Variants in ANO4 observed in about 807,000 individuals in gnomAD.
ANO4 encodes anoctamin-4.
ANO4 carries 69 observed loss-of-function variants against 141.9 expected under a neutral mutation model. The ratio of observed to expected loss-of-function variants is 0.49; its 90% confidence interval spans 0.40 to 0.59. The LOEUF (loss-of-function observed/expected upper bound fraction) is 0.59, where lower values mean the gene tolerates loss of function less well. Among genes scored for constraint, ANO4 ranks in the 20% least tolerant of loss-of-function variants. The probability of loss-of-function intolerance (pLI) is 0.00; values close to 1 mark genes in which losing one functional copy is unlikely to be tolerated. For synonymous variants in ANO4, 350 were observed against 394.3 expected (o/e 0.89, Z 1.33); for missense variants, 894 against 1,162.2 (o/e 0.77, Z 3.36).
At chr12:100,781,249 G>T (rs562684503) in intron 3 of ANO4, among the ~76,000 whole-genome samples, 11 of 152,258 alleles carry the variant, frequency 7.2e-5, no homozygotes, top group East Asian at 3.9e-4. Flanking sequence ...TGATAAGAAA[G>T]ATTTTATTTA....
chr12:100,777,020 C>T lies in ANO4; in HGVS notation c.358+36915C>T, dbSNP rs557950852. Among the ~76,000 whole-genome samples the T allele has an allele frequency of 2.8e-4, 43 of 151,800 alleles. No homozygotes were observed. The South Asian group carries it at 8.8e-3, about 31-fold the overall frequency. On this transcript the variant is annotated intron_variant, in intron 3 of 29. Transcript: ENST00000644049. ...GGCACCCTGAAGACAATTTAGTCTT[C>T]ATTTTTACAGCTAAGGAAGATGAAG...
intron 1 of ANO4, among the ~76,000 whole-genome samples, chr12:100,886,309 T>C (rs2039826312): frequency 6.8e-6 from 1 of 147,294 alleles, no homozygotes; most frequent in South Asian, 2.3e-4. Flanking sequence ...CAGTGTAGCA[T>C]ATAAGTGAGT....
At chr12:100,848,765 A>C (rs1267415043) in intron 1 of ANO4, among the ~76,000 whole-genome samples, 1 of 152,126 alleles carries the variant, frequency 6.6e-6, no homozygotes, top group African/African-American at 2.4e-5. Context: ...GACATGGTGG[A>C]ACATGTTTTG....
chr12:101,096,478 G>A (rs1444020102), intron 18 of ANO4, 58 bp from the exon 19 acceptor site: 2 of 1,338,474 alleles, frequency 1.5e-6, no homozygotes, highest in South Asian at 1.2e-5. Flanking sequence ...GGGAAAGAGA[G>A]GGAGTTGAGA....
chr12:100,969,928 A>G (rs1008850170), intron 5 of ANO4, among the ~76,000 whole-genome samples: 2 of 152,228 alleles, frequency 1.3e-5, no homozygotes, highest in Admixed American at 1.3e-4. Context: ...CCTTGTGGAA[A>G]GTGACTTCCA....
chr12:100,820,823 G>A (rs2036008774), intron 1 of ANO4, among the ~76,000 whole-genome samples: 1 of 152,070 alleles, frequency 6.6e-6, no homozygotes, highest in African/African-American at 2.4e-5. Context: ...ATGATAAAGT[G>A]ATGGATGCTG....
At chr12:100,951,125 A>G (rs746334153) in intron 5 of ANO4, among the ~76,000 whole-genome samples, 1 of 152,222 alleles carries the variant, frequency 6.6e-6, no homozygotes, top group Non-Finnish European at 1.5e-5. Flanking sequence ...TTAAAACCAC[A>G]ATGAGATACC....
At chr12:100,866,753 A>G (rs1198157204) in intron 1 of ANO4, among the ~76,000 whole-genome samples, 1 of 152,194 alleles carries the variant, frequency 6.6e-6, no homozygotes, top group Non-Finnish European at 1.5e-5. Flanking sequence ...AAAATTCTGT[A>G]AGTGGATAGT....
chr12:100,804,655 G>A (rs1208644468), intron 1 of ANO4, among the ~76,000 whole-genome samples: 1 of 152,216 alleles, frequency 6.6e-6, no homozygotes, highest in Non-Finnish European at 1.5e-5. Context: ...TGACTGGCGT[G>A]AGATGGTATT....
intron 5 of ANO4, among the ~76,000 whole-genome samples, chr12:100,954,743 G>T (rs2043115013): frequency 6.6e-6 from 1 of 152,206 alleles, no homozygotes; most frequent in Non-Finnish European, 1.5e-5. Flanking sequence ...CAGAGGAGCA[G>T]CTATTTCTGT....
At chr12:101,120,263 C>A (rs990062601) in intron 25 of ANO4, among the ~76,000 whole-genome samples, 1 of 152,114 alleles carries the variant, frequency 6.6e-6, no homozygotes, top group Non-Finnish European at 1.5e-5. Context: ...TGTCACTGAT[C>A]AGGTCTGGCT....
At chr12:100,895,599 T>C (rs1297787175) in intron 1 of ANO4, among the ~76,000 whole-genome samples, 1 of 151,278 alleles carries the variant, frequency 6.6e-6, no homozygotes, top group African/African-American at 2.4e-5. Flanking sequence ...TTGCTCTTTG[T>C]TGCCCAGGCT....
intron 1 of ANO4, among the ~76,000 whole-genome samples, chr12:100,873,087 A>T (rs1272232685): frequency 6.6e-6 from 1 of 152,172 alleles, no homozygotes; most frequent in African/African-American, 2.4e-5. Flanking sequence ...AAGTTTCTTG[A>T]GGCCTCCCCA....
intron 25 of ANO4, among the ~76,000 whole-genome samples, chr12:101,118,599 G>A (rs1479223323): frequency 6.6e-6 from 1 of 152,156 alleles, no homozygotes; most frequent in Non-Finnish European, 1.5e-5. Context: ...ATACATTAAT[G>A]ACCTGGGAAG....
rs560910089 is a variant in ANO4, at chr12:101,025,344, G to C, written c.841+5204G>C. ...CAGCACCATGAAAAGTGAGAATGTA[G>C]GCAGGACCTGAAAGACTCTCTAAGT... On this transcript the variant is annotated intron_variant, in intron 9 of 27. Coordinates refer to ENST00000392977, the MANE Select transcript of ANO4 (RefSeq NM_001286615.2). Among the ~76,000 whole-genome samples, 178 of 152,332 alleles carry C rather than the reference G, an allele frequency of 1.2e-3. 3 individuals carry two copies. Among genetic ancestry groups the C allele is most frequent in the African/African-American group, 4.0e-3 (166 of 41,562 alleles).
At chr12:100,871,605 A>G (rs2039037951) in intron 1 of ANO4, among the ~76,000 whole-genome samples, 1 of 152,152 alleles carries the variant, frequency 6.6e-6, no homozygotes, top group South Asian at 2.1e-4. Context: ...ATACACTCTG[A>G]TTGGGTGGCT....
At chr12:101,046,384 G>A (rs182941391) in intron 13 of ANO4, among the ~76,000 whole-genome samples, 128 of 152,302 alleles carry the variant, frequency 8.4e-4, no homozygotes, top group African/African-American at 2.9e-3. Flanking sequence ...TGAGGGAGGG[G>A]AAACTAATTG....
At chr12:101,106,703 A>G (rs1287163172) in intron 22 of ANO4, among the ~76,000 whole-genome samples, 2 of 151,358 alleles carry the variant, frequency 1.3e-5, no homozygotes, top group Admixed American at 6.6e-5. Flanking sequence ...TTATCTATAT[A>G]GTATTTATTT....
intron 9 of ANO4, among the ~76,000 whole-genome samples, chr12:101,029,211 T>C (rs372714289): frequency 5.5e-4 from 84 of 152,282 alleles, no homozygotes; most frequent in African/African-American, 2.0e-3. Flanking sequence ...AAACTGGTAC[T>C]AGCCACTGCA....
Sources: allele counts gnomAD v4.1 joint callset (sites outside exome capture counted in the v4.1 genomes callset), GRCh38; gene constraint gnomAD v4.1.1; transcripts MANE v1.5; gene names NCBI Gene and HGNC (gene_info 2026-07-23, HGNC 2026-07-21).